STXBP3: variants seen among roughly 807,000 people sequenced by gnomAD.
The protein encoded by STXBP3 is syntaxin-binding protein 3.
Under a neutral mutation model 85.7 loss-of-function variants are expected in STXBP3, and 41 were observed. The ratio of observed to expected loss-of-function variants is 0.48; its 90% CI spans 0.37 to 0.62. The LOEUF (loss-of-function observed/expected upper bound fraction) is 0.62, where lower values mean the gene tolerates loss of function less well. STXBP3 is among the 20% of genes least tolerant of loss of function. The pLI, the probability that STXBP3 is intolerant of heterozygous loss-of-function variation, is 0.00. For synonymous variants in STXBP3, 229 were observed against 231.7 expected, an observed-to-expected ratio of 0.99 and a Z score of 0.10; for missense variants, 563 against 703.1, an observed-to-expected ratio of 0.80 and a Z score of 2.25.
At position 108,809,098 on chromosome 1, in the gene STXBP3, T is replaced by C; in HGVS notation, c.*221T>C. On this transcript the variant is annotated 3_prime_UTR_variant, in exon 19 of 19. Coordinates refer to ENST00000370008, the MANE Select transcript of STXBP3 (RefSeq NM_007269.4). The stretch of plus-strand genomic sequence containing the variant: ...TAGATGATGAGAAGAAATGTTAAAG[T>C]GCTTTCTAAAAGGAAATTTTTTCAC... 2.4e-6 allele frequency: 1 copy of C among 409,086 alleles called. No individual in the cohort carries two copies. Among genetic ancestry groups the C allele is most frequent in the South Asian group, 3.2e-5 (1 of 31,468 alleles). The allele number at this position is 409,086 out of a possible 1,614,324, so 25.3% of individuals were successfully genotyped here.
intron 6 of STXBP3, 129 bp downstream of exon 6, chr1:108,760,214 T>C: frequency 3.8e-6 from 2 of 529,632 alleles, no homozygotes; most frequent in African/African-American, 2.0e-5. Context: ...AATCCACAAA[T>C]AGACATTTCC....
chr1:108,756,395 A>T (rs548495422), intron 3 of STXBP3, among the ~76,000 whole-genome samples: 9 of 152,262 alleles, frequency 5.9e-5, no homozygotes, highest in Non-Finnish European at 1.3e-4. Flanking sequence ...CAAGGTTATT[A>T]TGAATTTTAA....
At chr1:108,799,689 TTA>T (rs1663192590) in intron 16 of STXBP3, among the ~76,000 whole-genome samples, 1 of 152,170 alleles carries the variant, frequency 6.6e-6, no homozygotes. Context: ...ACCTATTTAC[TTA>T]TAAGTTAAGC....
intron 2 of STXBP3, among the ~76,000 whole-genome samples, chr1:108,752,776 G>A (rs1661931437): frequency 6.6e-6 from 1 of 152,132 alleles, no homozygotes; most frequent in African/African-American, 2.4e-5. Flanking sequence ...TTCTACAAGT[G>A]GCAATTGTAA....
At chr1:108,776,189 C>T in intron 7 of STXBP3, 144 bp from the exon 8 acceptor site, 2 of 464,208 alleles carry the variant, frequency 4.3e-6, no homozygotes, top group Middle Eastern at 6.5e-4. Flanking sequence ...GATACATTAT[C>T]TGAACTTTTA....
chr1:108,796,844 ATAAG>A (rs1238282004), intron 15 of STXBP3, 118 bp downstream of exon 15: 4 of 601,992 alleles, frequency 6.6e-6, no homozygotes, highest in African/African-American at 1.9e-5. Flanking sequence ...TAGATTTTGA[ATAAG>A]TAAGCAATTA....
intron 17 of STXBP3, among the ~76,000 whole-genome samples, chr1:108,802,601 G>A (rs1663254507): frequency 6.6e-6 from 1 of 152,084 alleles, no homozygotes; most frequent in African/African-American, 2.4e-5. Context: ...CAGGCTAGAA[G>A]GTTACATATT....
At chr1:108,759,734 AG>A (rs1216744271) in intron 5 of STXBP3, among the ~76,000 whole-genome samples, 2 of 152,186 alleles carry the variant, frequency 1.3e-5, no homozygotes, top group African/African-American at 4.8e-5. Context: ...TTGCTCTGTT[AG>A]CAGATCTTTA....
At chr1:108,752,327 T>A (rs1661921261) in intron 2 of STXBP3, 21 bp downstream of exon 2, 2 of 1,607,510 alleles carry the variant, frequency 1.2e-6, no homozygotes, top group South Asian at 2.2e-5. Flanking sequence ...CATACCTTGC[T>A]CTTATAAAAA....
intron 3 of STXBP3, among the ~76,000 whole-genome samples, chr1:108,756,414 T>G (rs1662018592): frequency 6.6e-6 from 1 of 152,120 alleles, no homozygotes; most frequent in Non-Finnish European, 1.5e-5. Flanking sequence ...AATGAGTAAT[T>G]CATGTAAGAA....
intron 1 of STXBP3, among the ~76,000 whole-genome samples, chr1:108,749,342 C>T (rs908148091): frequency 3.3e-5 from 5 of 151,968 alleles, no homozygotes; most frequent in Non-Finnish European, 2.9e-5. Context: ...ATCTGTATTG[C>T]GTAGTTGAAT....
At position 108,765,916 on chromosome 1, in the gene STXBP3, G is replaced by A. The variant is rs189602457; in HGVS notation, c.438+5831G>A. 7.6e-4 allele frequency among the ~76,000 whole-genome samples: 112 copies of A among 146,640 alleles called. 1 individual carries two copies. The Middle Eastern group carries it at 0.014, about 19-fold the overall frequency. On this transcript the variant is annotated intron_variant, in intron 6 of 18. Coordinates refer to ENST00000370008, the MANE Select transcript of STXBP3 (RefSeq NM_007269.4). ...TCACCAGGCTGGAGTGCAGTGGTGC[G>A]ATCTTGGCTCACTTCAGCCTCTGTC...
At chr1:108,800,916 C>G (rs187061282) in intron 17 of STXBP3, among the ~76,000 whole-genome samples, 39 of 152,290 alleles carry the variant, frequency 2.6e-4, no homozygotes, top group African/African-American at 9.4e-4. Flanking sequence ...TTTCTTAAAT[C>G]TGCAAGTTAA....
intron 12 of STXBP3, among the ~76,000 whole-genome samples, chr1:108,794,230 A>G (rs1330812975): frequency 6.6e-6 from 1 of 152,176 alleles, no homozygotes; most frequent in Non-Finnish European, 1.5e-5. Flanking sequence ...TCAACAATTC[A>G]ATGCTTCCAT....
intron 6 of STXBP3, among the ~76,000 whole-genome samples, chr1:108,770,042 G>A (rs958969697): frequency 1.3e-5 from 2 of 152,112 alleles, no homozygotes; most frequent in Non-Finnish European, 2.9e-5. Flanking sequence ...GTAATCCCAG[G>A]ACTTTAGGAG....
intron 15 of STXBP3, 64 bp downstream of exon 15, chr1:108,796,790 CTGTTT>C (rs1663113570): frequency 3.3e-6 from 4 of 1,220,472 alleles, no homozygotes. Flanking sequence ...TATGTATTAA[CTGTTT>C]TTTTTTTTTA....
chr1:108,777,125 A>G (rs1662608747), intron 8 of STXBP3, among the ~76,000 whole-genome samples: 2 of 152,184 alleles, frequency 1.3e-5, no homozygotes, highest in Admixed American at 1.3e-4. Context: ...AGGAAGCCAT[A>G]TTACAGTAGC....
chr1:108,746,697 G>T lies in STXBP3; in HGVS notation c.-41G>T. On this transcript the variant is annotated 5_prime_UTR_variant, in exon 1 of 19. Transcript: ENST00000370008. Reference sequence around the variant, plus strand: ...CCGCTTCTGCGGCCAAAGTAGGTTGGGAGTGGAAGGTGGTGGCTGCTGCTC... The same window carrying T: ...CCGCTTCTGCGGCCAAAGTAGGTTGTGAGTGGAAGGTGGTGGCTGCTGCTC... 6.5e-7 allele frequency: 1 copy of T among 1,547,900 alleles called. No individual in the cohort carries two copies. The highest frequency in any genetic ancestry group is 8.7e-7 in the Non-Finnish European group (1 of 1,145,308).
chr1:108,796,974 T>G (rs970865713), intron 15 of STXBP3, among the ~76,000 whole-genome samples: 1 of 152,182 alleles, frequency 6.6e-6, no homozygotes, highest in Non-Finnish European at 1.5e-5. Context: ...ATGATTCATT[T>G]ATAACAATTG....
Sources: allele counts gnomAD v4.1 joint callset (sites outside exome capture counted in the v4.1 genomes callset), GRCh38; gene constraint gnomAD v4.1.1; transcripts MANE v1.5; gene names NCBI Gene and HGNC (gene_info 2026-07-23, HGNC 2026-07-21).